MTREX: variants seen among roughly 807,000 people sequenced by gnomAD.
MTREX encodes the protein Mtr4 exosome RNA helicase.
Under a neutral mutation model 135.4 loss-of-function variants are expected in MTREX, and 76 were observed. The observed-to-expected ratio is 0.56, with a 90% confidence interval of 0.47 to 0.68. MTREX has a LOEUF of 0.68. Ranked by LOEUF, MTREX falls within the 30% of genes least tolerant of loss-of-function variation. MTREX has a pLI of 0.00. For synonymous variants in MTREX, 404 were observed against 401.6 expected, an observed-to-expected ratio of 1.01 and a Z score of -0.07; for missense variants, 920 against 1,262.1, an observed-to-expected ratio of 0.73 and a Z score of 4.11.
chr5:55,419,730 A>G (rs181469327), intron 25 of MTREX, among the ~76,000 whole-genome samples: 36 of 152,326 alleles, frequency 2.4e-4, no homozygotes, highest in African/African-American at 8.7e-4. Context: ...GAAAGCTTCT[A>G]TGATGAATTA....
chr5:55,422,893 G>A lies in MTREX; in HGVS notation c.2987G>A (p.Cys996Tyr), dbSNP rs1398044352. ...TDVFEGSIIR[C>Y]MRRLEELLRQ... ...TTCTATCCAGGCAGCATAATTCGTT[G>A]TATGAGGCGCCTGGAAGAATTGCTT... The change falls in exon 26 of 27, where the codon TGT becomes TAT. Residue 996 changes from cysteine to tyrosine, a missense_variant. This residue lies in a region of MTREX where 467 missense variants were observed against 589.7 expected (regional missense o/e 0.79). Transcript: ENST00000230640. 1 of 1,613,424 alleles carries A rather than the reference G, an allele frequency of 6.2e-7. No homozygotes were observed. The highest frequency in any genetic ancestry group is 1.3e-5 in the African/African-American group (1 of 74,904).
chr5:55,360,017 A>G (rs1360186128), intron 15 of MTREX, among the ~76,000 whole-genome samples: 1 of 152,268 alleles, frequency 6.6e-6, no homozygotes, highest in East Asian at 1.9e-4. Flanking sequence ...TTTTGTCACC[A>G]TCACCACAAT....
chr5:55,404,764 C>A (rs1439312033), intron 21 of MTREX, among the ~76,000 whole-genome samples: 1 of 151,592 alleles, frequency 6.6e-6, no homozygotes, highest in Non-Finnish European at 1.5e-5. Flanking sequence ...CTCCTTACCT[C>A]TCTCCATTTA....
intron 19 of MTREX, among the ~76,000 whole-genome samples, chr5:55,396,087 CTAAT>C (rs1459688126): frequency 1.3e-5 from 2 of 152,234 alleles, no homozygotes; most frequent in East Asian, 1.9e-4. Flanking sequence ...CAAAATATAA[CTAAT>C]TAGTGAATTG....
At chr5:55,311,705 A>C (rs1749116371) in intron 1 of MTREX, among the ~76,000 whole-genome samples, 1 of 152,226 alleles carries the variant, frequency 6.6e-6, no homozygotes, top group African/African-American at 2.4e-5. Context: ...ATGTTCGGTG[A>C]GTGTAAAATT....
chr5:55,402,324 TC>T (rs1339555464), intron 21 of MTREX, among the ~76,000 whole-genome samples: 9 of 152,332 alleles, frequency 5.9e-5, no homozygotes, highest in Admixed American at 4.6e-4. Context: ...GTTGTGATTC[TC>T]ACCTGTTCAT....
chr5:55,315,931 C>T (rs1293556698), intron 1 of MTREX, among the ~76,000 whole-genome samples: 2 of 150,288 alleles, frequency 1.3e-5, no homozygotes, highest in Non-Finnish European at 3.0e-5. Context: ...CAAATAAACA[C>T]AGTTAGAAGT....
At chr5:55,320,334 C>G (rs1025127876) in intron 1 of MTREX, among the ~76,000 whole-genome samples, 4 of 151,834 alleles carry the variant, frequency 2.6e-5, no homozygotes, top group African/African-American at 9.7e-5. Flanking sequence ...TCTACCTCAG[C>G]CTCCCGAGTA....
chr5:55,374,000 T>A (rs1387348703), intron 16 of MTREX, among the ~76,000 whole-genome samples: 1 of 152,062 alleles, frequency 6.6e-6, no homozygotes, highest in Non-Finnish European at 1.5e-5. Flanking sequence ...TGGTGGCTCA[T>A]GCCTGCCAGA....
intron 15 of MTREX, among the ~76,000 whole-genome samples, chr5:55,360,570 G>A (rs1166381912): frequency 2.6e-5 from 4 of 152,096 alleles, no homozygotes; most frequent in Admixed American, 1.3e-4. Flanking sequence ...ATTCCCACAA[G>A]CATTATATGA....
intron 15 of MTREX, among the ~76,000 whole-genome samples, chr5:55,365,153 T>C (rs1347548411): frequency 6.6e-6 from 1 of 152,166 alleles, no homozygotes; most frequent in African/African-American, 2.4e-5. Flanking sequence ...ATTTCTTATA[T>C]TGAAACCCGA....
intron 14 of MTREX, among the ~76,000 whole-genome samples, chr5:55,353,711 T>G (rs2112072479): frequency 6.6e-6 from 1 of 152,158 alleles, no homozygotes; most frequent in African/African-American, 2.4e-5. Context: ...TCTGAATAAA[T>G]TAATTAATTG....
At chr5:55,372,158 A>G (rs1389827278) in intron 16 of MTREX, among the ~76,000 whole-genome samples, 1 of 152,148 alleles carries the variant, frequency 6.6e-6, no homozygotes, top group Non-Finnish European at 1.5e-5. Flanking sequence ...ATTTTCGTGT[A>G]ACTCTTAATG....
At chr5:55,348,200 G>A (rs969567527) in intron 11 of MTREX, among the ~76,000 whole-genome samples, 1 of 152,162 alleles carries the variant, frequency 6.6e-6, no homozygotes, top group Non-Finnish European at 1.5e-5. Flanking sequence ...GGAATCCCAC[G>A]GCTGAAGACA....
intron 19 of MTREX, among the ~76,000 whole-genome samples, chr5:55,394,526 C>T (rs868832854): frequency 1.3e-5 from 2 of 152,102 alleles, no homozygotes; most frequent in Non-Finnish European, 2.9e-5. Context: ...ATTCTCATAA[C>T]GACCAGGCGA....
chr5:55,351,230 TTTC>T (rs1701346212), intron 13 of MTREX, among the ~76,000 whole-genome samples: 2 of 152,198 alleles, frequency 1.3e-5, no homozygotes, highest in Non-Finnish European at 2.9e-5. Flanking sequence ...ATTTGTTTCC[TTTC>T]TTCAAGAATG....
Position 55,424,992 on chromosome 5 carries a change from G to A in MTREX, c.*220G>A. The A allele has an allele frequency of 1.4e-6, 1 of 694,344 alleles. No individual in the cohort carries two copies. Among genetic ancestry groups the A allele is most frequent in the Non-Finnish European group, 2.3e-6 (1 of 428,844 alleles). The allele number at this position is 694,344 out of a possible 1,614,324, so 43.0% of individuals were successfully genotyped here. A position where few individuals can be genotyped will look rare whatever the true frequency, so the allele number is the denominator to read the frequency against. Reference sequence around the variant, plus strand: ...ATACAGGTGGGGCACTGTTTTGGTGGAAGGCTTGGAGTTTTTTTAATGAGT... The same window carrying A: ...ATACAGGTGGGGCACTGTTTTGGTGAAAGGCTTGGAGTTTTTTTAATGAGT... On this transcript the variant is annotated 3_prime_UTR_variant, in exon 27 of 27. Coordinates refer to ENST00000230640, the MANE Select transcript of MTREX (RefSeq NM_015360.5).
intron 11 of MTREX, among the ~76,000 whole-genome samples, chr5:55,347,516 T>C (rs1022921678): frequency 2.6e-5 from 4 of 152,210 alleles, no homozygotes. Context: ...AATACCATGC[T>C]TCATTCTCAC....
At chr5:55,399,552 A>G (rs1009625652) in intron 20 of MTREX, among the ~76,000 whole-genome samples, 7 of 152,052 alleles carry the variant, frequency 4.6e-5, no homozygotes, top group Non-Finnish European at 2.9e-5. Flanking sequence ...CAGTGGCGCA[A>G]TCTCGGCTCA....
Sources: gnomAD v4.1 joint callset for allele counts (sites outside exome capture counted in the v4.1 genomes callset) on GRCh38, gnomAD v4.1.1 for gene constraint, gnomAD v4.1.1 regional missense constraint, MANE v1.5 for transcripts, NCBI Gene and HGNC (gene_info 2026-07-23, HGNC 2026-07-21) for gene names.